Variants in HSD17B12 observed in about 807,000 individuals in gnomAD.
HSD17B12 encodes the protein very-long-chain 3-oxoacyl-CoA reductase.
A neutral mutation model predicts 39.3 loss-of-function variants in HSD17B12; 32 were observed. That is an observed-to-expected ratio of 0.81 (90% CI 0.61 to 1.09). HSD17B12 has a LOEUF of 1.09. Ranked by LOEUF, HSD17B12 falls within the 50% of genes least tolerant of loss-of-function variation. HSD17B12 has a pLI of 0.00. For synonymous variants in HSD17B12, 150 were observed against 146.7 expected, an observed-to-expected ratio of 1.02 and a Z score of -0.16; for missense variants, 342 against 382.9, an observed-to-expected ratio of 0.89 and a Z score of 0.89.
chr11:43,587,328 C>CG, the HSD17B12 span, among the ~76,000 whole-genome samples: 2 of 151,290 alleles, frequency 1.3e-5, no homozygotes, highest in South Asian at 2.1e-4. Context: ...AAAAAAAAAC[C>CG]AGGCATTTTA....
chr11:43,657,207 G>A, the HSD17B12 span, among the ~76,000 whole-genome samples: 10 of 152,224 alleles, frequency 6.6e-5, no homozygotes, highest in African/African-American at 2.2e-4. Flanking sequence ...TGTTTTGTCC[G>A]AGATTAAGAT....
the HSD17B12 span, among the ~76,000 whole-genome samples, chr11:43,590,722 G>A: frequency 4.7e-5 from 7 of 150,482 alleles, no homozygotes; most frequent in African/African-American, 1.5e-4. Context: ...GTGTTAGCCA[G>A]GATGGTCTCA....
At chr11:43,565,685 C>T in the HSD17B12 span, among the ~76,000 whole-genome samples, 1 of 152,182 alleles carries the variant, frequency 6.6e-6, no homozygotes, top group Admixed American at 6.5e-5. Flanking sequence ...TAGCTCATTC[C>T]CAAATCATGA....
At chr11:43,657,367 T>G in the HSD17B12 span, among the ~76,000 whole-genome samples, 2 of 152,272 alleles carry the variant, frequency 1.3e-5, no homozygotes, top group African/African-American at 4.8e-5. Context: ...TTTGCCAGTC[T>G]GTGCCTTTTA....
intron 4 of HSD17B12, among the ~76,000 whole-genome samples, 186 bp from the exon 5 acceptor site, chr11:43,815,251 A>G (rs1306130569): frequency 6.6e-6 from 1 of 152,216 alleles, no homozygotes; most frequent in East Asian, 1.9e-4. Flanking sequence ...GAAGGAAGAG[A>G]CATTTAAGTT....
At chr11:43,781,990 A>C (rs912791755) in intron 3 of HSD17B12, among the ~76,000 whole-genome samples, 2 of 152,204 alleles carry the variant, frequency 1.3e-5, no homozygotes, top group Non-Finnish European at 2.9e-5. Flanking sequence ...ACAAATTCCA[A>C]TTATAAAATT....
At chr11:43,696,797 T>C (rs1949915827) in intron 1 of HSD17B12, among the ~76,000 whole-genome samples, 1 of 151,824 alleles carries the variant, frequency 6.6e-6, no homozygotes, top group Non-Finnish European at 1.5e-5. Context: ...ATAAAGAAAA[T>C]GTGGTACATA....
chr11:43,853,419 T>G (rs1012613770), intron 9 of HSD17B12: 1 of 148,310 alleles, frequency 6.7e-6, no homozygotes, highest in Non-Finnish European at 1.5e-5. Flanking sequence ...ATCCATAGAA[T>G]GGAACAGATC....
rs567614833 is a variant in HSD17B12, at chr11:43,751,063, T to C, written c.207+106T>C. ...TTTGAAGTAAAAAACACAAATATAA[T>C]GTTGCATGGTACAATAGATGCTTTT... is the stretch of plus-strand genomic sequence containing the variant. On this transcript the variant is annotated intron_variant, in intron 2 of 10. Transcript: ENST00000278353. The C allele has an allele frequency of 1.2e-3, 823 of 708,290 alleles. 1 individual carries two copies. Among genetic ancestry groups the C allele is most frequent in the Non-Finnish European group, 1.8e-3 (766 of 426,466 alleles). The allele number at this position is 708,290 out of a possible 1,614,324, so 43.9% of individuals were successfully genotyped here.
chr11:43,749,711 T>C (rs1224047037), intron 1 of HSD17B12, among the ~76,000 whole-genome samples: 1 of 151,848 alleles, frequency 6.6e-6, no homozygotes, highest in African/African-American at 2.4e-5. Flanking sequence ...TTATGAGAGA[T>C]ATGGCTAGGG....
intron 3 of HSD17B12, among the ~76,000 whole-genome samples, chr11:43,780,557 C>T (rs1950755419): frequency 6.6e-6 from 1 of 152,130 alleles, no homozygotes; most frequent in Non-Finnish European, 1.5e-5. Flanking sequence ...ATCAATTAGG[C>T]TGCTCAGGAT....
At chr11:43,766,670 C>G (rs895033899) in intron 3 of HSD17B12, among the ~76,000 whole-genome samples, 2 of 152,140 alleles carry the variant, frequency 1.3e-5, no homozygotes, top group Non-Finnish European at 2.9e-5. Flanking sequence ...TGTACCAGGC[C>G]TAGCATGGTT....
the HSD17B12 span, among the ~76,000 whole-genome samples, chr11:43,598,860 A>G: frequency 1.3e-5 from 2 of 152,170 alleles, no homozygotes; most frequent in African/African-American, 4.8e-5. Context: ...TGGGGGTGGC[A>G]CTGTCATACC....
chr11:43,577,117 G>A, the HSD17B12 span, among the ~76,000 whole-genome samples: 85 of 152,344 alleles, frequency 5.6e-4, no homozygotes, highest in Non-Finnish European at 9.7e-4. Flanking sequence ...AACTAAGGAC[G>A]GCGACCCTGG....
intron 3 of HSD17B12, among the ~76,000 whole-genome samples, chr11:43,772,917 C>G (rs902128466): frequency 2.6e-5 from 4 of 152,068 alleles, no homozygotes; most frequent in African/African-American, 7.2e-5. Flanking sequence ...TTGAGACCAG[C>G]CTGGGCAATA....
At chr11:43,639,604 C>T in the HSD17B12 span, among the ~76,000 whole-genome samples, 2 of 151,838 alleles carry the variant, frequency 1.3e-5, no homozygotes, top group South Asian at 2.1e-4. Context: ...TCTCTTCTAT[C>T]CATAGAAGGA....
At chr11:43,757,048 T>C (rs1950513118) in intron 3 of HSD17B12, among the ~76,000 whole-genome samples, 1 of 152,212 alleles carries the variant, frequency 6.6e-6, no homozygotes, top group Non-Finnish European at 1.5e-5. Context: ...TGTTCTAAGC[T>C]GAAAAAATAC....
the HSD17B12 span, among the ~76,000 whole-genome samples, chr11:43,661,953 G>T: frequency 6.6e-6 from 1 of 152,076 alleles, no homozygotes; most frequent in Admixed American, 6.6e-5. Flanking sequence ...GATAAATGAG[G>T]GTTAAGTGGG....
the HSD17B12 span, among the ~76,000 whole-genome samples, chr11:43,562,685 T>C: frequency 5.4e-4 from 82 of 152,338 alleles, no homozygotes; most frequent in African/African-American, 1.8e-3. Context: ...AGATTCTTCC[T>C]TTTCTGAAAT....
Sources: allele counts gnomAD v4.1 joint callset (sites outside exome capture counted in the v4.1 genomes callset), GRCh38; gene constraint gnomAD v4.1.1; transcripts MANE v1.5; gene names NCBI Gene and HGNC (gene_info 2026-07-23, HGNC 2026-07-21).